The following EVC variants were observed in gnomAD, a reference collection of about 807,000 sequenced individuals.
EVC encodes the protein evC complex member EVC.
A neutral mutation model predicts 118.9 loss-of-function variants in EVC; 116 were observed. That is an observed-to-expected ratio of 0.98 (90% CI 0.84 to 1.14). The LOEUF is 1.14. Among genes scored for constraint, EVC ranks in the 50% most tolerant of loss-of-function variants. EVC has a pLI of 0.00. For synonymous variants in EVC, 619 were observed against 534.7 expected, an observed-to-expected ratio of 1.16 and a Z score of -2.18; for missense variants, 1,401 against 1,246.4, an observed-to-expected ratio of 1.12 and a Z score of -1.87.
At chr4:5,779,422 T>G (rs1269669101) in intron 11 of EVC, among the ~76,000 whole-genome samples, 39 of 149,206 alleles carry the variant, frequency 2.6e-4, no homozygotes, top group Middle Eastern at 3.5e-3. Flanking sequence ...ATCTATAAAT[T>G]ACCTTGGGCA....
intron 1 of EVC, among the ~76,000 whole-genome samples, chr4:5,717,864 A>G (rs1254207997): frequency 6.6e-6 from 1 of 152,114 alleles, no homozygotes; most frequent in Non-Finnish European, 1.5e-5. Flanking sequence ...CTGAATTGCT[A>G]TGTATTTTTT....
At position 5,721,698 on chromosome 4, in the gene EVC, C is replaced by A. The variant is rs141792540; in HGVS notation, c.300+2325C>A. On this transcript the variant is annotated intron_variant, in intron 2 of 20. Transcript: ENST00000264956. ...CCTGGCCAACATGGTGAAACCCCAT[C>A]TCTAGTAAAAATACAAAAATCAGCT... Among the ~76,000 whole-genome samples the A allele has an allele frequency of 2.7e-3, 405 of 152,220 alleles. 2 individuals are homozygous for A. The highest frequency in any genetic ancestry group is 8.8e-3 in the African/African-American group (364 of 41,538).
In EVC at chr4:5,711,496, G is replaced by C; in HGVS notation, c.116G>C (p.Gly39Ala). 1 of 1,134,948 alleles carries C rather than the reference G, an allele frequency of 8.8e-7. No homozygotes were observed. Among genetic ancestry groups the C allele is most frequent in the South Asian group, 4.3e-5 (1 of 23,446 alleles). The allele number at this position is 1,134,948 out of a possible 1,614,324, so 70.3% of individuals were successfully genotyped here. Residue 39 changes from glycine to alanine, a missense_variant, in exon 1 of 21, where the codon GGC becomes GCC. Transcript: ENST00000264956. The part of the protein sequence containing the change: ...APAVLLGAAL[G>A]LGLGLWLGCR... Reference sequence around the variant, plus strand: ...GCCGTGCTGCTGGGCGCCGCGCTCGGCCTCGGCCTCGGCCTTTGGCTTGGC... The same window carrying C: ...GCCGTGCTGCTGGGCGCCGCGCTCGCCCTCGGCCTCGGCCTTTGGCTTGGC...
At chr4:5,805,796 G>T (rs1403268829) in intron 17 of EVC, among the ~76,000 whole-genome samples, 1 of 152,066 alleles carries the variant, frequency 6.6e-6, no homozygotes, top group Non-Finnish European at 1.5e-5. Flanking sequence ...GGGAAAGGGG[G>T]TGCATGAGCC....
chr4:5,716,442 A>T (rs1723972453), intron 1 of EVC, among the ~76,000 whole-genome samples: 1 of 152,218 alleles, frequency 6.6e-6, no homozygotes, highest in Admixed American at 6.5e-5. Context: ...AAAGAACCTT[A>T]GCTCAGGCTC....
intron 17 of EVC, 46 bp downstream of exon 17, chr4:5,804,887 T>A: frequency 2.0e-6 from 3 of 1,491,150 alleles, no homozygotes; most frequent in Non-Finnish European, 2.8e-6. Flanking sequence ...CTCTACCCCA[T>A]TCACATGGCA....
Position 5,798,737 on chromosome 4 carries a change from T to C in EVC, c.2249T>C (p.Val750Ala), listed in dbSNP as rs1311084523. The change falls in exon 15 of 21, where the codon GTG (valine) becomes GCG (alanine). Residue 750 changes from valine to alanine, a missense_variant. Physicochemically the swap from Val to Ala is moderately conservative, Grantham distance 64. Transcript: ENST00000264956. This position sits in a 1 kb window ranked among gnomAD's most constrained non-coding sequence, Gnocchi z 4.1. ...MECAIGQALL[V>A]HARNAATKSR... The stretch of plus-strand genomic sequence containing the variant: ...TGCGCCATTGGGCAGGCGCTGCTGG[T>C]GCATGCACGGAATGCAGCCACCAAG... 6.2e-7 allele frequency: 1 copy of C among 1,611,092 alleles called. No homozygotes were observed. The highest frequency in any genetic ancestry group is 8.5e-7 in the Non-Finnish European group (1 of 1,179,930).
intron 13 of EVC, 145 bp from the exon 14 acceptor site, chr4:5,796,877 C>T: frequency 1.4e-6 from 1 of 730,618 alleles, no homozygotes. Context: ...GCACCCATGC[C>T]TAAGAGGATG....
chr4:5,711,285 C>A lies in EVC; in HGVS notation c.-96C>A. ...AAAGTCTGCGGAGCGGGCCGCGCCC[C>A]TGGCCCGCCCGGGCTCCAAGTCCCG... is the stretch of plus-strand genomic sequence containing the variant. On this transcript the variant is annotated 5_prime_UTR_variant, in exon 1 of 21. In the 5' UTR this introduces an upstream ATG that the reference lacks. Transcript: ENST00000264956. 1 of 860,656 alleles carries A rather than the reference C, an allele frequency of 1.2e-6. No individual in the cohort carries two copies. Among genetic ancestry groups the A allele is most frequent in the Non-Finnish European group, 1.4e-6 (1 of 714,726 alleles). The allele number at this position is 860,656 out of a possible 1,614,324, so 53.3% of individuals were successfully genotyped here.
At chr4:5,770,258 T>C (rs925901092) in intron 11 of EVC, among the ~76,000 whole-genome samples, 1 of 152,130 alleles carries the variant, frequency 6.6e-6, no homozygotes, top group African/African-American at 2.4e-5. Flanking sequence ...CCCCCACAGC[T>C]GCCCTGAGCC....
rs1258566227 is a variant in EVC, at chr4:5,749,608, C to T, written c.1098+1302C>T. 6.6e-6 allele frequency among the ~76,000 whole-genome samples: 1 copy of T among 152,134 alleles called. No individual in the cohort carries two copies. The highest frequency in any genetic ancestry group is 1.5e-5 in the Non-Finnish European group (1 of 68,028). On this transcript the variant is annotated intron_variant, in intron 8 of 20. Coordinates refer to ENST00000264956, the MANE Select transcript of EVC (RefSeq NM_153717.3). The surrounding 1 kb of genome is among the most constrained non-coding windows in gnomAD (Gnocchi z 4.4). ...TGGCTAGATGCTGAGTGACTCCTAACACCCCAGTCACCATTGGGTTCCTCT... is the reference window on the plus strand; with the variant it reads ...TGGCTAGATGCTGAGTGACTCCTAATACCCCAGTCACCATTGGGTTCCTCT...
rs759723939 is a variant in EVC at position 5,798,595 on chromosome 4, G to T, written c.2107G>T (p.Val703Leu). 2 of 1,568,444 alleles carry T rather than the reference G, an allele frequency of 1.3e-6. No homozygotes were observed. The highest frequency in any genetic ancestry group is 2.3e-5 in the South Asian group (2 of 85,200). ...GTCCTTTCCCTCCCAGGAGGCGCGT[G>T]TGCTGGAGGAGGCCAGCCGGCTAGA... The part of the protein sequence containing the change: ...WQLLRALEAR[V>L]LEEASRLEEE... Residue 703 changes from valine to leucine, a missense_variant, in exon 15 of 21, where the codon GTG (valine) becomes TTG (leucine). By Grantham distance (32) the Val-to-Leu change is conservative. Transcript: ENST00000264956. This position sits in a 1 kb window ranked among gnomAD's most constrained non-coding sequence, Gnocchi z 4.1.
the EVC span, chr4:5,820,709 A>G: frequency 6.6e-6 from 1 of 152,180 alleles, no homozygotes; most frequent in Non-Finnish European, 1.5e-5. Context: ...ACCATTCGTT[A>G]TCACGCGGGG....
At chr4:5,730,645 G>T (rs777682811) in intron 3 of EVC, among the ~76,000 whole-genome samples, 5 of 151,950 alleles carry the variant, frequency 3.3e-5, no homozygotes, top group Non-Finnish European at 7.4e-5. Context: ...GATGAAATAG[G>T]CAAGAGGCAG....
At chr4:5,780,364 G>T (rs1735403843) in intron 11 of EVC, among the ~76,000 whole-genome samples, 1 of 152,124 alleles carries the variant, frequency 6.6e-6, no homozygotes, top group Admixed American at 6.6e-5. Flanking sequence ...TAGCACACTG[G>T]CTAAGGGTAT....
chr4:5,732,868 G>A (rs1168663009), intron 4 of EVC, among the ~76,000 whole-genome samples: 2 of 152,108 alleles, frequency 1.3e-5, no homozygotes, highest in African/African-American at 4.8e-5. Context: ...AAATCAACCG[G>A]GTATGGTGGT....
Position 5,753,771 on chromosome 4 carries a change from T to G in EVC, c.1316-14T>G. Reference sequence around the variant, plus strand: ...CAGAGTCACCTCCTATGCTGTGGCTTTTTTCAATCCCAGAGTTTGTCCAGC... The same window carrying G: ...CAGAGTCACCTCCTATGCTGTGGCTGTTTTCAATCCCAGAGTTTGTCCAGC... On this transcript the variant is annotated splice_polypyrimidine_tract_variant and intron_variant, in intron 9 of 20. Transcript: ENST00000264956. 1 of 1,614,150 alleles carries G rather than the reference T, an allele frequency of 6.2e-7. No homozygotes were observed. The highest frequency in any genetic ancestry group is 8.5e-7 in the Non-Finnish European group (1 of 1,180,018).
At chr4:5,826,697 G>T in the EVC span, 1 of 152,252 alleles carries the variant, frequency 6.6e-6, no homozygotes, top group African/African-American at 2.4e-5. Context: ...ACCTGTACAG[G>T]GTCCCAGCAT....
intron 11 of EVC, among the ~76,000 whole-genome samples, chr4:5,760,772 G>C (rs1201169047): frequency 6.6e-6 from 1 of 152,104 alleles, no homozygotes; most frequent in Admixed American, 6.5e-5. Flanking sequence ...GGCTGGTCTC[G>C]AACTCCTGAC....
Sources: allele counts gnomAD v4.1 joint callset (sites outside exome capture counted in the v4.1 genomes callset), GRCh38; gene constraint gnomAD v4.1.1; non-coding constraint Gnocchi (gnomAD v3.1); transcripts MANE v1.5; gene names NCBI Gene and HGNC (gene_info 2026-07-23, HGNC 2026-07-21).